SFT2D2: variants seen among roughly 807,000 people sequenced by gnomAD.
SFT2D2 encodes the protein vesicle transport protein SFT2B.
In SFT2D2, 21 loss-of-function variants were observed where a neutral mutation model predicts 27.4. The ratio of observed to expected loss-of-function variants is 0.77; its 90% CI spans 0.54 to 1.10. The LOEUF is 1.10. SFT2D2 is among the 50% of genes least tolerant of loss of function. The pLI, the probability that SFT2D2 is intolerant of heterozygous loss-of-function variation, is 0.00. For missense variants in SFT2D2, 187 were observed against 194.2 expected (o/e 0.96, Z 0.22); for synonymous variants, 72 against 71.7 (o/e 1.00, Z -0.02).
Position 168,234,285 on chromosome 1 carries a change from T to C in SFT2D2, c.237-816T>C, listed in dbSNP as rs150801108. Among the ~76,000 whole-genome samples the C allele has an allele frequency of 6.8e-3, 1,041 of 152,072 alleles. 12 individuals carry two copies. Among genetic ancestry groups the C allele is most frequent in the African/African-American group, 0.024 (998 of 41,472 alleles). The stretch of plus-strand genomic sequence containing the variant: ...GGCGTGTGCCTGTAGTCCCAGCTAC[T>C]TGGGAGGCTGAGGCAGGAGAATCAC... On this transcript the variant is annotated intron_variant, in intron 3 of 7. Transcript: ENST00000271375.
Position 168,246,399 on chromosome 1 carries a change from C to T in SFT2D2, c.*3859C>T, listed in dbSNP as rs2102336235. 2 of 755,714 alleles carry T rather than the reference C, an allele frequency of 2.6e-6. No homozygotes were observed. The highest frequency in any genetic ancestry group is 4.0e-6 in the Non-Finnish European group (2 of 504,916). 46.8% of individuals were successfully genotyped at this position (755,714 alleles called of 1,614,324 possible). ...GCATTTTTCTACTTTATCTTGGCCA[C>T]TTGTGTACATTTTTTCAATGTCCTT... On this transcript the variant is annotated 3_prime_UTR_variant, in exon 8 of 8. Coordinates refer to ENST00000271375, the MANE Select transcript of SFT2D2 (RefSeq NM_199344.3).
Position 168,246,883 on chromosome 1 carries a change from C to T in SFT2D2, c.*4343C>T, listed in dbSNP as rs1182048442. 4 of 592,274 alleles carry T rather than the reference C, an allele frequency of 6.8e-6. No individual in the cohort carries two copies. The highest frequency in any genetic ancestry group is 3.7e-5 in the African/African-American group (2 of 53,358). 36.7% of individuals were successfully genotyped at this position (592,274 alleles called of 1,614,324 possible). A position where few individuals can be genotyped will look rare whatever the true frequency, so the allele number is the denominator to read the frequency against. On this transcript the variant is annotated 3_prime_UTR_variant, in exon 8 of 8. Transcript: ENST00000271375. ...TCTTCATGCTTTCTTTTTATAATTT[C>T]AATGTCTTTTAAGTATTTCTTTTCC...
In SFT2D2 at chr1:168,231,096, C is replaced by G. The variant is rs6676057; in HGVS notation, c.64-418C>G. Among the ~76,000 whole-genome samples, 1,357 of 152,262 alleles carry G rather than the reference C, an allele frequency of 8.9e-3. 23 individuals are homozygous for G. Among genetic ancestry groups the G allele is most frequent in the African/African-American group, 0.031 (1,271 of 41,542 alleles). On this transcript the variant is annotated intron_variant, in intron 1 of 7. Transcript: ENST00000271375. ...CGTCCCCTCATCTTTTCCTTATTTC[C>G]TGGGACCCTGCCTGGTGGAGGATCC...
Position 168,246,360 on chromosome 1 carries a change from A to G in SFT2D2, c.*3820A>G, listed in dbSNP as rs1647811802. 2.0e-6 allele frequency: 1 copy of G among 510,854 alleles called. No homozygotes were observed. The highest frequency in any genetic ancestry group is 2.0e-5 in the South Asian group (1 of 49,060). The allele number at this position is 510,854 out of a possible 1,614,324, so 31.6% of individuals were successfully genotyped here. On this transcript the variant is annotated 3_prime_UTR_variant, in exon 8 of 8. Coordinates refer to ENST00000271375, the MANE Select transcript of SFT2D2 (RefSeq NM_199344.3). ...TTGTCTTCGTAGTTGACATAATCTTACTTGCTTTTCTGTGCATTTTTCTAC... is the reference window on the plus strand; with the variant it reads ...TTGTCTTCGTAGTTGACATAATCTTGCTTGCTTTTCTGTGCATTTTTCTAC...
At chr1:168,230,129 T>A (rs1700497911) in intron 1 of SFT2D2, among the ~76,000 whole-genome samples, 1 of 152,190 alleles carries the variant, frequency 6.6e-6, no homozygotes, top group Non-Finnish European at 1.5e-5. Context: ...CTCTCATCCT[T>A]CTTTTCAAGC....
chr1:168,239,097 C>A (rs1287193952), intron 6 of SFT2D2, 34 bp from the exon 7 acceptor site: 1 of 1,562,996 alleles, frequency 6.4e-7, no homozygotes, highest in Non-Finnish European at 8.8e-7. Context: ...CTCCCTTCAT[C>A]TCATTTGACC....
intron 1 of SFT2D2, among the ~76,000 whole-genome samples, chr1:168,228,725 C>G (rs1419362671): frequency 1.3e-5 from 2 of 152,140 alleles, no homozygotes; most frequent in African/African-American, 4.8e-5. Context: ...TTATTCTTGG[C>G]AAGAGCCCCT....
chr1:168,226,636 T>C (rs1448104156), intron 1 of SFT2D2, among the ~76,000 whole-genome samples: 3 of 152,078 alleles, frequency 2.0e-5, no homozygotes, highest in Admixed American at 6.5e-5. Flanking sequence ...GTTTAGGTTG[T>C]AGGGTGTGAC....
rs1186784869 is a variant in SFT2D2, at chr1:168,247,913, T to C, written c.*5373T>C. Reference sequence around the variant, plus strand: ...CATCTGATGGTGGTTTTGATTTGCATTTCCCTAATGACCAGTGATGATGAG... The same window carrying C: ...CATCTGATGGTGGTTTTGATTTGCACTTCCCTAATGACCAGTGATGATGAG... On this transcript the variant is annotated 3_prime_UTR_variant, in exon 8 of 8. Transcript: ENST00000271375. The C allele has an allele frequency of 1.3e-5, 2 of 152,262 alleles. No homozygotes were observed. The highest frequency in any genetic ancestry group is 3.8e-4 in the East Asian group (2 of 5,198). 9.4% of individuals were successfully genotyped at this position (152,262 alleles called of 1,614,324 possible).
intron 1 of SFT2D2, 55 bp downstream of exon 1, chr1:168,226,197 C>T: frequency 1.4e-6 from 2 of 1,478,268 alleles, no homozygotes; most frequent in South Asian, 2.6e-5. Context: ...CCCTGCGTCC[C>T]CTGCCCGGGC....
chr1:168,236,452 A>G (rs1572453338), intron 4 of SFT2D2, 137 bp from the exon 5 acceptor site: 1 of 723,316 alleles, frequency 1.4e-6, no homozygotes, highest in Non-Finnish European at 2.3e-6. Context: ...TCTGCCAAAT[A>G]TGGGTGCTCA....
intron 1 of SFT2D2, 37 bp from the exon 2 acceptor site, chr1:168,231,477 T>A: frequency 1.3e-6 from 2 of 1,519,286 alleles, no homozygotes; most frequent in Non-Finnish European, 9.1e-7. Flanking sequence ...TTTTAGTAAA[T>A]GTGTGTGTAT....
At position 168,236,600 on chromosome 1, in the gene SFT2D2, A is replaced by C. The variant is rs1647509959; in HGVS notation, c.330A>C (p.Ala110=). 1.2e-6 allele frequency: 2 copies of C among 1,612,830 alleles called. No individual in the cohort carries two copies. The highest frequency in any genetic ancestry group is 1.7e-6 in the Non-Finnish European group (2 of 1,179,860). ...CTTTCTTCCTTTAGTTGTGTTTTGC[A>C]CTTACCCTGTGTTCTGCCTTTTGGG... ...IATIMVLLCF[A]LTLCSAFWWH... The change falls in exon 5 of 8, where the codon GCA becomes GCC. Residue 110 remains alanine, a synonymous_variant. Coordinates refer to ENST00000271375, the MANE Select transcript of SFT2D2 (RefSeq NM_199344.3).
intron 3 of SFT2D2, among the ~76,000 whole-genome samples, chr1:168,233,755 C>G (rs1480652999): frequency 1.3e-5 from 2 of 152,144 alleles, no homozygotes; most frequent in Admixed American, 6.5e-5. Context: ...TCCCTATGGG[C>G]TGGATTCTTC....
At chr1:168,239,244 C>A in intron 7 of SFT2D2, 84 bp downstream of exon 7, 1 of 1,085,722 alleles carries the variant, frequency 9.2e-7, no homozygotes, top group Non-Finnish European at 1.4e-6. Flanking sequence ...TTTTATTTAT[C>A]TTTACTGAAG....
rs1480635022 is a variant in SFT2D2, at chr1:168,243,510, A to G, written c.*970A>G. On this transcript the variant is annotated 3_prime_UTR_variant, in exon 8 of 8. Coordinates refer to ENST00000271375, the MANE Select transcript of SFT2D2 (RefSeq NM_199344.3). ...AGGCACGCCTGCCCAGTGACCTTTA[A>G]ATAGTCCCAGTGTTTGCACTTAGCC... The G allele has an allele frequency of 1.3e-5, 2 of 152,244 alleles. No homozygotes were observed. Among genetic ancestry groups the G allele is most frequent in the Non-Finnish European group, 2.9e-5 (2 of 68,092 alleles). 9.4% of individuals were successfully genotyped at this position (152,244 alleles called of 1,614,324 possible).
At chr1:168,241,852 A>G (rs7525702) in intron 7 of SFT2D2, among the ~76,000 whole-genome samples, 13,939 of 152,142 alleles carry the variant, frequency 0.092, 880 homozygotes, top group African/African-American at 0.17. Context: ...GTGACTCCCA[A>G]TGTCCTTAGT....
At chr1:168,227,097 G>A (rs564222678) in intron 1 of SFT2D2, among the ~76,000 whole-genome samples, 5 of 152,326 alleles carry the variant, frequency 3.3e-5, no homozygotes, top group African/African-American at 7.2e-5. Flanking sequence ...TGGGATTACA[G>A]GCATGAGCCA....
At chr1:168,233,779 G>C (rs749917401) in intron 3 of SFT2D2, among the ~76,000 whole-genome samples, 4 of 152,166 alleles carry the variant, frequency 2.6e-5, no homozygotes, top group Non-Finnish European at 4.4e-5. Context: ...GACTGTGTAG[G>C]GAAATAATAA....
Sources: allele counts gnomAD v4.1 joint callset (sites outside exome capture counted in the v4.1 genomes callset), GRCh38; gene constraint gnomAD v4.1.1; transcripts MANE v1.5; gene names NCBI Gene and HGNC (gene_info 2026-07-23, HGNC 2026-07-21).